The following COL14A1 variants were observed in gnomAD, a reference collection of about 807,000 sequenced individuals.
COL14A1 encodes the protein collagen alpha-1(XIV) chain.
In COL14A1, 136 loss-of-function variants were observed where a neutral mutation model predicts 230.3. The observed-to-expected ratio is 0.59, with a 90% CI of 0.51 to 0.68. COL14A1 has a LOEUF of 0.68. COL14A1 is among the 30% of genes least tolerant of loss of function. The probability of loss-of-function intolerance (pLI) is 0.00; values close to 1 mark genes in which losing one functional copy is unlikely to be tolerated. For missense variants in COL14A1, 1,976 were observed against 2,215.8 expected (o/e 0.89, Z 2.17); for synonymous variants, 792 against 784.1 (o/e 1.01, Z -0.17).
At position 120,369,436 on chromosome 8, in the gene COL14A1, C is replaced by T; in HGVS notation, c.5262C>T (p.Gly1754=). ...LGVPGPQGPS[G]QPGYCDPSSC... The stretch of plus-strand genomic sequence containing the variant: ...TTCCTGGACCCCAAGGTCCTTCTGG[C>T]CAGCCTGGATATTGTGACCCCTCAT... The change falls in exon 47 of 48, where the codon GGC becomes GGT. Residue 1754 remains glycine (G), a synonymous_variant. Coordinates refer to ENST00000297848, the MANE Select transcript of COL14A1 (RefSeq NM_021110.4). 1 of 1,609,832 alleles carries T rather than the reference C, an allele frequency of 6.2e-7. No individual in the cohort carries two copies. Among genetic ancestry groups the T allele is most frequent in the Non-Finnish European group, 8.5e-7 (1 of 1,178,050 alleles).
At chr8:120,202,593 T>G (rs573069433) in intron 8 of COL14A1, among the ~76,000 whole-genome samples, 1 of 152,310 alleles carries the variant, frequency 6.6e-6, no homozygotes. Context: ...CTAACATTGT[T>G]GGTAAATGTT....
rs145282327 is a variant in COL14A1, at chr8:120,196,333, A to G, written c.437-458A>G. On this transcript the variant is annotated intron_variant, in intron 5 of 47. Coordinates refer to ENST00000297848, the MANE Select transcript of COL14A1 (RefSeq NM_021110.4). ...GCTGTAATGTTTCCTTGAATTCAGA[A>G]AGTCCGCATTTCTCTTTTTTCTATC... 3.6e-3 allele frequency among the ~76,000 whole-genome samples: 550 copies of G among 152,296 alleles called. 2 individuals carry two copies. Among genetic ancestry groups the G allele is most frequent in the African/African-American group, 0.012 (515 of 41,560 alleles).
chr8:120,194,353 A>G (rs1027786341), intron 5 of COL14A1, among the ~76,000 whole-genome samples: 3 of 152,146 alleles, frequency 2.0e-5, no homozygotes, highest in African/African-American at 7.2e-5. Context: ...TCTTTTAATT[A>G]GTTACTTAAT....
intron 14 of COL14A1, among the ~76,000 whole-genome samples, chr8:120,224,023 CTTT>C (rs962510256): frequency 3.8e-5 from 3 of 78,284 alleles, no homozygotes; most frequent in South Asian, 6.1e-4. Flanking sequence ...CCCTCATCTC[CTTT>C]TTTTTTTTTT....
At chr8:120,344,928 C>T (rs1271546700) in intron 44 of COL14A1, among the ~76,000 whole-genome samples, 1 of 151,982 alleles carries the variant, frequency 6.6e-6, no homozygotes, top group Non-Finnish European at 1.5e-5. Flanking sequence ...GGCTTGATGA[C>T]CAAGAGATGA....
intron 9 of COL14A1, among the ~76,000 whole-genome samples, chr8:120,204,373 A>G (rs1352698019): frequency 6.6e-6 from 1 of 152,088 alleles, no homozygotes; most frequent in Non-Finnish European, 1.5e-5. Flanking sequence ...CCACTACTCC[A>G]TCTCCAATAT....
At chr8:120,177,711 T>TATATATAC (rs1204274718) in intron 5 of COL14A1, among the ~76,000 whole-genome samples, 1 of 143,232 alleles carries the variant, frequency 7.0e-6, no homozygotes, top group Non-Finnish European at 1.5e-5. Flanking sequence ...TATATATATA[T>TATATATAC]ACATACACAC....
At chr8:120,176,637 G>A (rs1323745659) in intron 5 of COL14A1, among the ~76,000 whole-genome samples, 1 of 152,134 alleles carries the variant, frequency 6.6e-6, no homozygotes, top group African/African-American at 2.4e-5. Flanking sequence ...CTAAAGTACA[G>A]GGAACTAGAT....
intron 38 of COL14A1, among the ~76,000 whole-genome samples, chr8:120,315,150 A>G (rs186110877): frequency 1.7e-4 from 26 of 152,254 alleles, no homozygotes; most frequent in Non-Finnish European, 3.8e-4. Flanking sequence ...CAGGCAGATC[A>G]CCTGAAGTCA....
chr8:120,231,871 C>G (rs1042642587), intron 19 of COL14A1: 6 of 387,492 alleles, frequency 1.5e-5, no homozygotes, highest in Admixed American at 4.2e-5. Context: ...TGCTTCTCTT[C>G]TGCTGCCTTG....
intron 1 of COL14A1, among the ~76,000 whole-genome samples, chr8:120,128,232 T>TGG: frequency 8.8e-6 from 1 of 113,000 alleles, no homozygotes; most frequent in Non-Finnish European, 1.9e-5. Flanking sequence ...CGCGCGCGTG[T>TGG]GTGTGTGTGT....
At chr8:120,299,552 A>G (rs1213598345) in intron 35 of COL14A1, among the ~76,000 whole-genome samples, 1 of 152,004 alleles carries the variant, frequency 6.6e-6, no homozygotes, top group Non-Finnish European at 1.5e-5. Flanking sequence ...TTCCATAGTA[A>G]AAAGACACCG....
At chr8:120,304,368 A>T (rs545075045) in intron 36 of COL14A1, among the ~76,000 whole-genome samples, 1 of 152,108 alleles carries the variant, frequency 6.6e-6, no homozygotes, top group South Asian at 2.1e-4. Context: ...TAACTTTTTG[A>T]TGTGCGTGTT....
At chr8:120,310,741 G>A (rs932431267) in intron 37 of COL14A1, among the ~76,000 whole-genome samples, 3 of 152,226 alleles carry the variant, frequency 2.0e-5, no homozygotes, top group East Asian at 1.9e-4. Context: ...TTAACATTTC[G>A]ATTGATTCTT....
intron 34 of COL14A1, among the ~76,000 whole-genome samples, chr8:120,294,766 G>A (rs934357603): frequency 5.3e-5 from 8 of 151,692 alleles, no homozygotes; most frequent in African/African-American, 1.2e-4. Flanking sequence ...TATTACAAGT[G>A]CAAACAATTA....
intron 28 of COL14A1, among the ~76,000 whole-genome samples, chr8:120,279,278 C>T (rs1040262390): frequency 2.0e-5 from 3 of 151,858 alleles, no homozygotes; most frequent in African/African-American, 7.3e-5. Context: ...AAAAAACCTG[C>T]ATCTTCAGCA....
intron 14 of COL14A1, among the ~76,000 whole-genome samples, chr8:120,221,346 A>T (rs1817927889): frequency 6.6e-6 from 1 of 152,098 alleles, no homozygotes; most frequent in Non-Finnish European, 1.5e-5. Context: ...ATTTCCTCAA[A>T]TTTTTCTTCT....
chr8:120,368,858 G>A (rs1823494601), intron 46 of COL14A1, among the ~76,000 whole-genome samples: 1 of 152,090 alleles, frequency 6.6e-6, no homozygotes, highest in African/African-American at 2.4e-5. Context: ...TGTTGATGAG[G>A]TTGAGCTTTA....
intron 45 of COL14A1, among the ~76,000 whole-genome samples, chr8:120,350,140 T>G (rs1366235161): frequency 6.6e-6 from 1 of 151,996 alleles, no homozygotes; most frequent in Non-Finnish European, 1.5e-5. Flanking sequence ...CAAACTAAGC[T>G]TCCTAAGTGA....
Sources: allele counts gnomAD v4.1 joint callset (sites outside exome capture counted in the v4.1 genomes callset), GRCh38; gene constraint gnomAD v4.1.1; transcripts MANE v1.5; gene names NCBI Gene and HGNC (gene_info 2026-07-23, HGNC 2026-07-21).